SPICE1: variants seen among roughly 807,000 people sequenced by gnomAD.
SPICE1 encodes spindle and centriole associated protein 1.
SPICE1 carries 75 observed loss-of-function variants against 102.7 expected under a neutral mutation model. That is an observed-to-expected ratio of 0.73 (90% CI 0.61 to 0.88). SPICE1 has a LOEUF of 0.88. Ranked by LOEUF, SPICE1 falls within the 40% of genes least tolerant of loss-of-function variation. The probability of loss-of-function intolerance (pLI) is 0.00; values close to 1 mark genes in which losing one functional copy is unlikely to be tolerated. For missense variants in SPICE1, 979 were observed against 1,020.1 expected (o/e 0.96, Z 0.55); for synonymous variants, 308 against 350.3 (o/e 0.88, Z 1.35).
In SPICE1 at chr3:113,493,981, A is replaced by C. The variant is rs1936818321; in HGVS notation, c.385+68T>G. ...TATGATGCCTAAGAAAGGACTTTAA[A>C]TTCTTCCAAATAGTCAACTGTGGGC... On this transcript the variant is annotated intron_variant, in intron 5 of 17. Coordinates refer to ENST00000295872, the MANE Select transcript of SPICE1 (RefSeq NM_144718.4). 44 of 1,092,874 alleles carry C rather than the reference A, an allele frequency of 4.0e-5. No homozygotes were observed. The South Asian group carries it at 6.0e-4, about 15-fold the overall frequency. 67.7% of individuals were successfully genotyped at this position (1,092,874 alleles called of 1,614,324 possible).
intron 3 of SPICE1, among the ~76,000 whole-genome samples, chr3:113,502,613 C>A (rs1023108090): frequency 3.0e-5 from 4 of 134,472 alleles, no homozygotes; most frequent in Non-Finnish European, 6.1e-5. Context: ...AAACTGCACA[C>A]TTTAAACAGG....
chr3:113,499,738 C>T (rs1936972290), intron 3 of SPICE1, among the ~76,000 whole-genome samples, 156 bp from the exon 4 acceptor site: 1 of 152,052 alleles, frequency 6.6e-6, no homozygotes, highest in Non-Finnish European at 1.5e-5. Context: ...AATTTTCAGT[C>T]CCCTAAATTT....
chr3:113,510,427 T>C (rs1031486391), intron 1 of SPICE1, among the ~76,000 whole-genome samples: 2 of 152,144 alleles, frequency 1.3e-5, no homozygotes, highest in Admixed American at 6.5e-5. Flanking sequence ...AGCAGACATA[T>C]AGACCAACGG....
intron 7 of SPICE1, among the ~76,000 whole-genome samples, chr3:113,481,771 A>G (rs1465934773): frequency 6.6e-6 from 1 of 152,206 alleles, no homozygotes; most frequent in Non-Finnish European, 1.5e-5. Context: ...GCTGCATAGT[A>G]TTCCATGCTA....
At chr3:113,447,318 C>A (rs1303893525) in intron 16 of SPICE1, among the ~76,000 whole-genome samples, 1 of 152,202 alleles carries the variant, frequency 6.6e-6, no homozygotes, top group Non-Finnish European at 1.5e-5. Flanking sequence ...CCAACACACA[C>A]ACAGTTTCCC....
intron 2 of SPICE1, 109 bp downstream of exon 2, chr3:113,506,398 T>C: frequency 1.2e-6 from 1 of 842,938 alleles, no homozygotes; most frequent in South Asian, 1.6e-5. Context: ...TTCCACCCTA[T>C]TACGTGATGA....
rs1245479012 is a variant in SPICE1 at position 113,443,078 on chromosome 3, T to TG, written c.*2228dup. ...TACAATGTCTTAAAAATTGGAAACA[T>TG]GGGGGAAATAGTGTATTTATTTATT... is the stretch of plus-strand genomic sequence containing the variant. On this transcript the variant is annotated 3_prime_UTR_variant, in exon 18 of 18. Transcript: ENST00000295872. The TG allele has an allele frequency of 6.6e-6, 1 of 152,106 alleles. No homozygotes were observed. Among genetic ancestry groups the TG allele is most frequent in the Non-Finnish European group, 1.5e-5 (1 of 68,020 alleles). 9.4% of individuals were successfully genotyped at this position (152,106 alleles called of 1,614,324 possible).
At chr3:113,504,658 A>T (rs1576650098) in intron 2 of SPICE1, among the ~76,000 whole-genome samples, 1 of 151,964 alleles carries the variant, frequency 6.6e-6, no homozygotes, top group African/African-American at 2.4e-5. Context: ...TTTAATAGGC[A>T]TTTAAAAACT....
chr3:113,464,496 T>C (rs958128603), intron 11 of SPICE1, among the ~76,000 whole-genome samples: 1 of 152,150 alleles, frequency 6.6e-6, no homozygotes, highest in Non-Finnish European at 1.5e-5. Context: ...CCTCAAGTGA[T>C]CTTCCCACCT....
At chr3:113,466,163 T>A (rs557701992) in intron 10 of SPICE1, among the ~76,000 whole-genome samples, 1 of 152,354 alleles carries the variant, frequency 6.6e-6, no homozygotes, top group South Asian at 2.1e-4. Context: ...AAGTTAGTCA[T>A]GAGAGTTAGT....
At chr3:113,467,248 T>A (rs1936080553) in intron 10 of SPICE1, among the ~76,000 whole-genome samples, 1 of 152,246 alleles carries the variant, frequency 6.6e-6, no homozygotes. Context: ...TTCTGTGGCA[T>A]TCTGTGGATG....
intron 14 of SPICE1, among the ~76,000 whole-genome samples, chr3:113,451,347 T>C (rs370511901): frequency 1.2e-3 from 189 of 152,304 alleles, no homozygotes; most frequent in African/African-American, 4.2e-3. Context: ...GCTTATGTCA[T>C]TCCTAATTAT....
At chr3:113,508,063 G>A (rs957107699) in intron 1 of SPICE1, among the ~76,000 whole-genome samples, 9 of 152,102 alleles carry the variant, frequency 5.9e-5, no homozygotes, top group African/African-American at 2.2e-4. Context: ...ATGGTGCTGG[G>A]ACAACTGGAT....
At chr3:113,492,508 T>C (rs1332730930) in intron 6 of SPICE1, among the ~76,000 whole-genome samples, 3 of 152,240 alleles carry the variant, frequency 2.0e-5, no homozygotes, top group Non-Finnish European at 2.9e-5. Flanking sequence ...AGCCAATTAA[T>C]GTTTTACTAC....
chr3:113,488,885 C>A, intron 7 of SPICE1, 60 bp downstream of exon 7: 2 of 960,860 alleles, frequency 2.1e-6, no homozygotes, highest in African/African-American at 1.6e-5. Flanking sequence ...AATAGGCAAA[C>A]ATTGAAATGG....
chr3:113,476,618 A>T (rs971661806), intron 7 of SPICE1, among the ~76,000 whole-genome samples: 1 of 148,536 alleles, frequency 6.7e-6, no homozygotes, highest in African/African-American at 2.5e-5. Flanking sequence ...CAGAGCCCTC[A>T]GAAATAACGC....
intron 2 of SPICE1, 147 bp downstream of exon 2, chr3:113,506,360 C>T (rs78696913): frequency 3.2e-6 from 2 of 628,972 alleles, no homozygotes; most frequent in East Asian, 2.8e-5. Context: ...CCCTCCAAGA[C>T]CTAGAATATC....
At chr3:113,507,730 G>A (rs1937139746) in intron 1 of SPICE1, among the ~76,000 whole-genome samples, 1 of 152,064 alleles carries the variant, frequency 6.6e-6, no homozygotes, top group Non-Finnish European at 1.5e-5. Context: ...TGGTAATGAT[G>A]GCATCAGCTA....
At chr3:113,487,401 T>C (rs985848807) in intron 7 of SPICE1, among the ~76,000 whole-genome samples, 5 of 152,130 alleles carry the variant, frequency 3.3e-5, no homozygotes, top group South Asian at 4.1e-4. Context: ...GATACTAATA[T>C]AGATATGTTC....
Sources: allele counts gnomAD v4.1 joint callset (sites outside exome capture counted in the v4.1 genomes callset), GRCh38; gene constraint gnomAD v4.1.1; transcripts MANE v1.5; gene names NCBI Gene and HGNC (gene_info 2026-07-23, HGNC 2026-07-21).